The following MAN1A1 variants were observed in gnomAD, a reference collection of about 807,000 sequenced individuals.
The protein encoded by MAN1A1 is mannosidase alpha class 1A member 1, also known as mannosyl-oligosaccharide 1,2-alpha-mannosidase IA.
In MAN1A1, 29 loss-of-function variants were observed where a neutral mutation model predicts 70.8. That is an observed-to-expected ratio of 0.41 (90% CI 0.31 to 0.56). The LOEUF (loss-of-function observed/expected upper bound fraction) is 0.56, where lower values mean the gene tolerates loss of function less well. Among genes scored for constraint, MAN1A1 ranks in the 20% least tolerant of loss-of-function variants. MAN1A1 has a pLI of 0.29. For synonymous variants in MAN1A1, 349 were observed against 330.1 expected (o/e 1.06, Z -0.62); for missense variants, 747 against 841.3 (o/e 0.89, Z 1.39).
intron 2 of MAN1A1, among the ~76,000 whole-genome samples, chr6:119,328,030 A>T (rs568960237): frequency 3.3e-5 from 5 of 152,194 alleles, no homozygotes; most frequent in Non-Finnish European, 5.9e-5. Flanking sequence ...GCCAGCTGAC[A>T]GCTCATTTTT....
intron 2 of MAN1A1, among the ~76,000 whole-genome samples, chr6:119,307,919 A>G (rs1186755619): frequency 6.6e-6 from 1 of 152,282 alleles, no homozygotes; most frequent in East Asian, 1.9e-4. Flanking sequence ...CTTCATTGAG[A>G]TCAGTATCAT....
At chr6:119,325,466 T>C (rs1029696617) in intron 2 of MAN1A1, among the ~76,000 whole-genome samples, 3 of 152,216 alleles carry the variant, frequency 2.0e-5, no homozygotes, top group Non-Finnish European at 4.4e-5. Context: ...GAGACCAGCC[T>C]GGCTAACATG....
At chr6:119,296,605 T>G (rs1772223159) in intron 4 of MAN1A1, among the ~76,000 whole-genome samples, 1 of 152,130 alleles carries the variant, frequency 6.6e-6, no homozygotes, top group South Asian at 2.1e-4. Context: ...CCAAAGTTGC[T>G]TCTTGAAGTC....
At chr6:119,274,987 C>T (rs2114384869) in intron 5 of MAN1A1, among the ~76,000 whole-genome samples, 1 of 152,242 alleles carries the variant, frequency 6.6e-6, no homozygotes, top group South Asian at 2.1e-4. Flanking sequence ...TCAAACACAA[C>T]TTGTGCAAAA....
intron 5 of MAN1A1, among the ~76,000 whole-genome samples, chr6:119,249,227 G>A (rs982531427): frequency 6.6e-6 from 1 of 152,130 alleles, no homozygotes; most frequent in Non-Finnish European, 1.5e-5. Context: ...CTGACAAAAA[G>A]GGGATACTGG....
chr6:119,308,769 CTACATTTAG>C (rs1338982386), intron 2 of MAN1A1, among the ~76,000 whole-genome samples: 1 of 152,046 alleles, frequency 6.6e-6, no homozygotes, highest in African/African-American at 2.4e-5. Context: ...ATTAAATGTA[CTACATTTAG>C]TAAATTCTTC....
intron 7 of MAN1A1, among the ~76,000 whole-genome samples, chr6:119,202,046 T>C (rs1414307010): frequency 6.6e-6 from 1 of 152,150 alleles, no homozygotes; most frequent in Non-Finnish European, 1.5e-5. Flanking sequence ...CACTTAGCCA[T>C]TATTAATACA....
chr6:119,250,998 C>T (rs565191427), intron 5 of MAN1A1, among the ~76,000 whole-genome samples: 16 of 152,214 alleles, frequency 1.1e-4, no homozygotes, highest in South Asian at 8.3e-4. Flanking sequence ...TTTGATTTAC[C>T]GCCTCCATCA....
intron 8 of MAN1A1, among the ~76,000 whole-genome samples, chr6:119,196,529 T>C (rs1773573960): frequency 6.6e-6 from 1 of 152,134 alleles, no homozygotes; most frequent in Non-Finnish European, 1.5e-5. Flanking sequence ...TAACATAATA[T>C]GGTATTTTTA....
intron 5 of MAN1A1, among the ~76,000 whole-genome samples, chr6:119,254,528 C>T (rs1775410157): frequency 6.6e-6 from 1 of 152,148 alleles, no homozygotes. Context: ...AATTGTTCAC[C>T]AATCTTGGTT....
intron 5 of MAN1A1, among the ~76,000 whole-genome samples, chr6:119,278,443 G>A (rs1188794421): frequency 1.3e-5 from 2 of 151,932 alleles, no homozygotes; most frequent in African/African-American, 4.8e-5. Flanking sequence ...TCTGCTTTTT[G>A]TTTAAGCAGC....
At chr6:119,273,520 A>T (rs1775979774) in intron 5 of MAN1A1, among the ~76,000 whole-genome samples, 2 of 152,132 alleles carry the variant, frequency 1.3e-5, no homozygotes. Flanking sequence ...TGAATATTTG[A>T]GATGTTTCTT....
At chr6:119,237,399 C>T (rs979909582) in intron 6 of MAN1A1, among the ~76,000 whole-genome samples, 1 of 152,144 alleles carries the variant, frequency 6.6e-6, no homozygotes, top group Non-Finnish European at 1.5e-5. Flanking sequence ...AATCCCTGGA[C>T]CACACGGAAC....
chr6:119,325,410 C>A (rs1452268777), intron 2 of MAN1A1, among the ~76,000 whole-genome samples: 1 of 152,186 alleles, frequency 6.6e-6, no homozygotes, highest in Non-Finnish European at 1.5e-5. Context: ...ATAATCCCAG[C>A]ACTTTGGGAG....
At chr6:119,191,062 C>T (rs1439722991) in intron 9 of MAN1A1, among the ~76,000 whole-genome samples, 1 of 152,140 alleles carries the variant, frequency 6.6e-6, no homozygotes, top group Non-Finnish European at 1.5e-5. Flanking sequence ...TAAAACCTTT[C>T]CTACCTTTAT....
chr6:119,242,681 A>T (rs1775045151), intron 6 of MAN1A1, among the ~76,000 whole-genome samples: 1 of 152,156 alleles, frequency 6.6e-6, no homozygotes, highest in African/African-American at 2.4e-5. Context: ...GCAAGGTTTA[A>T]CCTTCTGCAC....
At chr6:119,221,043 T>C (rs1415908792) in intron 6 of MAN1A1, among the ~76,000 whole-genome samples, 1 of 152,186 alleles carries the variant, frequency 6.6e-6, no homozygotes, top group African/African-American at 2.4e-5. Context: ...AATTTTTTAA[T>C]ACCCCCGAAG....
At chr6:119,312,798 C>T (rs542881770) in intron 2 of MAN1A1, among the ~76,000 whole-genome samples, 89 of 152,252 alleles carry the variant, frequency 5.8e-4, no homozygotes, top group African/African-American at 2.1e-3. Flanking sequence ...GCTGAGACTG[C>T]GAGGTTGTGC....
chr6:119,337,403 A>T (rs1300079661), intron 2 of MAN1A1, among the ~76,000 whole-genome samples: 1 of 152,226 alleles, frequency 6.6e-6, no homozygotes, highest in African/African-American at 2.4e-5. Context: ...TAACTCCTGT[A>T]GGCATGTTTA....
Sources: gnomAD v4.1 joint callset for allele counts (sites outside exome capture counted in the v4.1 genomes callset) on GRCh38, gnomAD v4.1.1 for gene constraint, MANE v1.5 for transcripts, NCBI Gene and HGNC (gene_info 2026-07-23, HGNC 2026-07-21) for gene names.